The following XYLB variants were observed in gnomAD, a reference collection of about 807,000 sequenced individuals.
The protein encoded by XYLB is xylulokinase.
XYLB carries 62 observed loss-of-function variants against 78.7 expected under a neutral mutation model. The observed-to-expected ratio is 0.79, with a 90% confidence interval of 0.64 to 0.97. XYLB has a LOEUF of 0.97. Ranked by LOEUF, XYLB falls within the 50% of genes least tolerant of loss-of-function variation. XYLB has a pLI of 0.00. For missense variants in XYLB, 687 were observed against 676.8 expected (o/e 1.02, Z -0.17); for synonymous variants, 245 against 247.4 (o/e 0.99, Z 0.09).
At chr3:38,396,793 A>T (rs1707887943) in intron 16 of XYLB, among the ~76,000 whole-genome samples, 1 of 152,208 alleles carries the variant, frequency 6.6e-6, no homozygotes, top group South Asian at 2.1e-4. Flanking sequence ...TTTGCTAAAC[A>T]TACTTCCTAA....
At chr3:38,358,986 A>G (rs1705827026) in intron 2 of XYLB, among the ~76,000 whole-genome samples, 1 of 152,194 alleles carries the variant, frequency 6.6e-6, no homozygotes, top group Non-Finnish European at 1.5e-5. Context: ...TCGGTTGTGG[A>G]GACTCCAACG....
chr3:38,382,143 C>T (rs535854634), intron 15 of XYLB, among the ~76,000 whole-genome samples: 36 of 152,210 alleles, frequency 2.4e-4, no homozygotes, highest in Non-Finnish European at 4.4e-4. Context: ...ACGTGATTAT[C>T]GGGGCAGGTT....
rs991763551 is a variant in XYLB at position 38,410,588 on chromosome 3, C to T, written c.1534-2348C>T. 1.5e-4 allele frequency among the ~76,000 whole-genome samples: 23 copies of T among 152,172 alleles called. No homozygotes were observed. The East Asian group carries it at 2.7e-3, about 18-fold the overall frequency. On this transcript the variant is annotated intron_variant, in intron 18 of 18. Coordinates refer to ENST00000207870, the MANE Select transcript of XYLB (RefSeq NM_005108.4). ...ACAGCAAACGAAACTACCATCAGAG[C>T]GAACAGGTAACCTACAAAATGGGAG...
the XYLB span, among the ~76,000 whole-genome samples, chr3:38,432,357 A>G: frequency 1.1e-4 from 10 of 92,810 alleles, no homozygotes; most frequent in Non-Finnish European, 9.6e-5. Context: ...TCTCGAGGTC[A>G]GGAGATTGAG....
intron 2 of XYLB, among the ~76,000 whole-genome samples, chr3:38,352,573 G>A (rs180828939): frequency 3.9e-5 from 6 of 152,342 alleles, no homozygotes; most frequent in African/African-American, 1.4e-4. Context: ...TTGGGAGGCT[G>A]AAGCGGGTGG....
At chr3:38,351,708 C>T (rs541681951) in intron 2 of XYLB, among the ~76,000 whole-genome samples, 23 of 152,294 alleles carry the variant, frequency 1.5e-4, no homozygotes, top group South Asian at 2.1e-4. Context: ...CACTGGCAAC[C>T]GCTGATGTGT....
chr3:38,425,998 G>A (rs115837106), downstream of XYLB, among the ~76,000 whole-genome samples: 3,509 of 152,258 alleles, frequency 0.023, 148 homozygotes, highest in African/African-American at 0.08. Context: ...TGGTCCTTGG[G>A]AAGCCTCTCC....
intron 4 of XYLB, among the ~76,000 whole-genome samples, chr3:38,363,447 T>TTA (rs138002640): frequency 0.89 from 136,095 of 152,102 alleles, 61,452 homozygotes; most frequent in East Asian, 1. Flanking sequence ...GGACATTGAC[T>TTA]GAGCACTTAG....
At position 38,346,941 on chromosome 3, in the gene XYLB, C is replaced by G; in HGVS notation, c.57+16C>G. ...CACGCAGCAGGTACAGTCGCCTGGCCGCAGGGCCACGGGGCCGCCTCCTCC... is the reference window on the plus strand; with the variant it reads ...CACGCAGCAGGTACAGTCGCCTGGCGGCAGGGCCACGGGGCCGCCTCCTCC... On this transcript the variant is annotated intron_variant, in intron 1 of 18. Coordinates refer to ENST00000207870, the MANE Select transcript of XYLB (RefSeq NM_005108.4). 6.2e-6 allele frequency: 9 copies of G among 1,458,810 alleles called. No individual in the cohort carries two copies. Among genetic ancestry groups the G allele is most frequent in the Non-Finnish European group, 8.2e-6 (9 of 1,101,336 alleles). The allele number at this position is 1,458,810 out of a possible 1,614,324, so 90.4% of individuals were successfully genotyped here.
intron 17 of XYLB, among the ~76,000 whole-genome samples, chr3:38,398,676 G>GCCTGCCTT (rs1553660816): frequency 3.4e-5 from 5 of 146,668 alleles, no homozygotes; most frequent in Admixed American, 2.7e-4. Context: ...CTGCCTGCCT[G>GCCTGCCTT]CCTTCCTTCC....
At chr3:38,412,882 G>A (rs930253124) in intron 18 of XYLB, 54 bp from the exon 19 acceptor site, 1 of 1,485,220 alleles carries the variant, frequency 6.7e-7, no homozygotes, top group East Asian at 2.4e-5. Flanking sequence ...AGTGCAACCA[G>A]ATGTAAGAGG....
chr3:38,386,858 A>G (rs1231000074), intron 15 of XYLB, among the ~76,000 whole-genome samples: 8 of 152,196 alleles, frequency 5.3e-5, no homozygotes, highest in Non-Finnish European at 2.9e-5. Context: ...TTGTCTGAAA[A>G]TGTATTTATT....
At chr3:38,436,453 C>G in the XYLB span, among the ~76,000 whole-genome samples, 1 of 152,024 alleles carries the variant, frequency 6.6e-6, no homozygotes, top group Non-Finnish European at 1.5e-5. Context: ...AAAGAAAAAC[C>G]CTTTACTGGA....
intron 18 of XYLB, among the ~76,000 whole-genome samples, chr3:38,411,077 C>A (rs553320920): frequency 0.022 from 3,357 of 152,250 alleles, 59 homozygotes; most frequent in Non-Finnish European, 0.03. Flanking sequence ...AAGACACATG[C>A]AGACATATGT....
At chr3:38,423,307 T>C (rs925722913), downstream of XYLB, among the ~76,000 whole-genome samples, 1 of 152,106 alleles carries the variant, frequency 6.6e-6, no homozygotes, top group African/African-American at 2.4e-5. Flanking sequence ...CTCCTGACCT[T>C]GTGATCCACC....
rs141114410 is a variant in XYLB at position 38,352,058 on chromosome 3, T to A, written c.140+3426T>A. Reference sequence around the variant, plus strand: ...TACCAGGAGTACAGTGGCTGAGTTATACGGCAGGTATATGTTTAACTTCTT... The same window carrying A: ...TACCAGGAGTACAGTGGCTGAGTTAAACGGCAGGTATATGTTTAACTTCTT... On this transcript the variant is annotated intron_variant, in intron 2 of 18. Transcript: ENST00000207870. Among the ~76,000 whole-genome samples the A allele has an allele frequency of 2.1e-3, 318 of 152,344 alleles. 3 individuals are homozygous for A. Among genetic ancestry groups the A allele is most frequent in the Non-Finnish European group, 3.5e-3 (236 of 68,030 alleles).
chr3:38,387,335 G>T, intron 15 of XYLB, among the ~76,000 whole-genome samples: 1 of 147,240 alleles, frequency 6.8e-6, no homozygotes. Context: ...CTCTCTCCCT[G>T]CTTCAGTTGG....
chr3:38,408,014 C>CAG (rs1464295861), intron 18 of XYLB, among the ~76,000 whole-genome samples: 1 of 152,106 alleles, frequency 6.6e-6, no homozygotes, highest in African/African-American at 2.4e-5. Flanking sequence ...AAATTGAACT[C>CAG]AGCTCTGCAC....
In XYLB at chr3:38,413,164, C is replaced by A; in HGVS notation, c.*151C>A. 1.6e-6 allele frequency: 1 copy of A among 620,784 alleles called. No homozygotes were observed. The highest frequency in any genetic ancestry group is 2.6e-6 in the Non-Finnish European group (1 of 391,104). 38.5% of individuals were successfully genotyped at this position (620,784 alleles called of 1,614,324 possible). A position where few individuals can be genotyped will look rare whatever the true frequency, so the allele number is the denominator to read the frequency against. On this transcript the variant is annotated 3_prime_UTR_variant, in exon 19 of 19. Coordinates refer to ENST00000207870, the MANE Select transcript of XYLB (RefSeq NM_005108.4). Reference sequence around the variant, plus strand: ...TGTCCAGGACCATCTTAAAGCCGCCCTCAGCACATCTGCATGAAGATAGAT... The same window carrying A: ...TGTCCAGGACCATCTTAAAGCCGCCATCAGCACATCTGCATGAAGATAGAT...
Sources: allele counts gnomAD v4.1 joint callset (sites outside exome capture counted in the v4.1 genomes callset), GRCh38; gene constraint gnomAD v4.1.1; transcripts MANE v1.5; gene names NCBI Gene and HGNC (gene_info 2026-07-23, HGNC 2026-07-21).